Variants in AIMP1 observed in about 807,000 individuals in gnomAD.
AIMP1 encodes aminoacyl tRNA synthetase complex interacting multifunctional protein 1, also known as aminoacyl tRNA synthase complex-interacting multifunctional protein 1.
In AIMP1, 24 loss-of-function variants were observed where a neutral mutation model predicts 33.1. The observed-to-expected ratio is 0.73, with a 90% CI of 0.53 to 1.02. The LOEUF (loss-of-function observed/expected upper bound fraction) is 1.02. Ranked by LOEUF, AIMP1 falls within the 50% of genes least tolerant of loss-of-function variation. The pLI, the probability that AIMP1 is intolerant of heterozygous loss-of-function variation, is 0.00. For missense variants in AIMP1, 367 were observed against 364.8 expected (o/e 1.01, Z -0.05); for synonymous variants, 120 against 121.5 (o/e 0.99, Z 0.08).
intron 6 of AIMP1, among the ~76,000 whole-genome samples, chr4:106,347,089 A>G (rs557751400): frequency 5.9e-4 from 90 of 152,204 alleles, no homozygotes; most frequent in African/African-American, 2.1e-3. Context: ...ATAACTCACT[A>G]TCATGAAACC....
intron 1 of AIMP1, among the ~76,000 whole-genome samples, chr4:106,320,849 T>A (rs140722800): frequency 0.018 from 2,768 of 152,218 alleles, 76 homozygotes; most frequent in African/African-American, 0.061. Flanking sequence ...CCTCCCTGCC[T>A]GATTCTCCTG....
chr4:106,321,998 G>T (rs902785171), intron 1 of AIMP1, among the ~76,000 whole-genome samples: 1 of 139,228 alleles, frequency 7.2e-6, no homozygotes, highest in African/African-American at 2.7e-5. Flanking sequence ...TAAATGGCCC[G>T]TGCTCTCTGA....
chr4:106,336,124 C>T (rs1769868737), intron 5 of AIMP1, among the ~76,000 whole-genome samples: 2 of 145,830 alleles, frequency 1.4e-5, no homozygotes, highest in African/African-American at 2.5e-5. Flanking sequence ...ATTGCAGCCT[C>T]CAGGCTCAAG....
chr4:106,325,436 CTT>C (rs1220165876), intron 2 of AIMP1, among the ~76,000 whole-genome samples: 2 of 151,842 alleles, frequency 1.3e-5, no homozygotes, highest in East Asian at 3.9e-4. Context: ...TCTCCAGAAA[CTT>C]TATCAATTTT....
At chr4:106,329,586 C>T (rs1769588820) in intron 4 of AIMP1, among the ~76,000 whole-genome samples, 1 of 152,070 alleles carries the variant, frequency 6.6e-6, no homozygotes, top group African/African-American at 2.4e-5. Context: ...TATGACTAAA[C>T]TGAATTTCTA....
In AIMP1 at chr4:106,334,587, G is replaced by A. The variant is rs537348609; in HGVS notation, c.604-2282G>A. 5.9e-5 allele frequency among the ~76,000 whole-genome samples: 9 copies of A among 152,208 alleles called. No individual in the cohort carries two copies. The South Asian group carries it at 1.9e-3, about 32-fold the overall frequency. On this transcript the variant is annotated intron_variant, in intron 5 of 6. Transcript: ENST00000672341. ...AGCAACAAACATATTTTTAAAAATA[G>A]CCCTGCCTTTATGAAGCTCACATTT...
chr4:106,327,697 T>G (rs1315437261), intron 3 of AIMP1, 133 bp downstream of exon 3: 1 of 661,918 alleles, frequency 1.5e-6, no homozygotes, highest in East Asian at 2.9e-5. Context: ...GACTCAGATT[T>G]ATCAATAAAA....
Position 106,336,880 on chromosome 4 carries a change from G to C in AIMP1, c.615G>C (p.Arg205=), listed in dbSNP as rs1769904463. 6.2e-7 allele frequency: 1 copy of C among 1,613,934 alleles called. No homozygotes were observed. The highest frequency in any genetic ancestry group is 1.3e-5 in the African/African-American group (1 of 75,008). ...NHVPLEQMQN[R]MVILLCNLKP... ...TATATTTCACACAGATGCAAAATCG[G>C]ATGGTGATTTTACTTTGTAACCTGA... The change falls in exon 6 of 7, where the codon CGG becomes CGC. Residue 205 remains arginine (R), a synonymous_variant. Coordinates refer to ENST00000672341, the MANE Select transcript of AIMP1 (RefSeq NM_001142416.2).
chr4:106,327,613 C>T (rs1241241026), intron 3 of AIMP1, 49 bp downstream of exon 3: 1 of 1,345,186 alleles, frequency 7.4e-7, no homozygotes, highest in South Asian at 1.2e-5. Flanking sequence ...AGAAGTTGGC[C>T]AGTCACACCA....
intron 1 of AIMP1, among the ~76,000 whole-genome samples, chr4:106,319,221 A>G (rs1769102388): frequency 6.6e-6 from 1 of 152,110 alleles, no homozygotes; most frequent in African/African-American, 2.4e-5. Context: ...TTGATTCCCA[A>G]TGTTGTCATC....
intron 4 of AIMP1, among the ~76,000 whole-genome samples, chr4:106,329,559 A>G (rs13132126): frequency 6.6e-6 from 1 of 152,160 alleles, no homozygotes; most frequent in African/African-American, 2.4e-5. Flanking sequence ...GTTATTAAAG[A>G]TTTGAAATGT....
intron 5 of AIMP1, 116 bp from the exon 6 acceptor site, chr4:106,336,753 C>T (rs1769900345): frequency 6.9e-6 from 7 of 1,014,494 alleles, no homozygotes; most frequent in Admixed American, 1.7e-5. Flanking sequence ...GACAAAGGTA[C>T]ATCCACAAAA....
In AIMP1 at chr4:106,348,741, A is replaced by G. The variant is rs1770391408; in HGVS notation, c.*1049A>G. On this transcript the variant is annotated 3_prime_UTR_variant, in exon 7 of 7. Transcript: ENST00000672341. ...CATGTCAGCAAGATAGGGAGTGTGGATAGGGGAGGGCTGGTAGCTAACAAG... is the reference window on the plus strand; with the variant it reads ...CATGTCAGCAAGATAGGGAGTGTGGGTAGGGGAGGGCTGGTAGCTAACAAG... 1 of 152,104 alleles carries G rather than the reference A, an allele frequency of 6.6e-6. No individual in the cohort carries two copies. The highest frequency in any genetic ancestry group is 2.4e-5 in the African/African-American group (1 of 41,418). The allele number at this position is 152,104 out of a possible 1,614,324, so 9.4% of individuals were successfully genotyped here. A position where few individuals can be genotyped will look rare whatever the true frequency, so the allele number is the denominator to read the frequency against.
intron 5 of AIMP1, 88 bp downstream of exon 5, chr4:106,331,971 C>G: frequency 8.2e-7 from 1 of 1,225,060 alleles, no homozygotes; most frequent in Non-Finnish European, 1.2e-6. Flanking sequence ...ATTTTGTATA[C>G]CATACAACAT....
chr4:106,332,782 C>T lies in AIMP1; in HGVS notation c.603+899C>T, dbSNP rs187107547. The stretch of plus-strand genomic sequence containing the variant: ...CTATACTGTTCAGCTTTACTGTTTA[C>T]CATTCAAGGTGGAGTTAGTCATGAA... On this transcript the variant is annotated intron_variant, in intron 5 of 6. Coordinates refer to ENST00000672341, the MANE Select transcript of AIMP1 (RefSeq NM_001142416.2). Among the ~76,000 whole-genome samples, 16 of 151,832 alleles carry T rather than the reference C, an allele frequency of 1.1e-4. No homozygotes were observed. In the East Asian group the frequency reaches 2.3e-3, roughly 22 times the overall value.
intron 5 of AIMP1, among the ~76,000 whole-genome samples, chr4:106,334,384 C>A (rs1336313031): frequency 6.6e-6 from 1 of 151,554 alleles, no homozygotes; most frequent in Middle Eastern, 3.2e-3. Flanking sequence ...CCTGCCTCAG[C>A]CTGCCGAGTA....
intron 6 of AIMP1, among the ~76,000 whole-genome samples, chr4:106,345,445 T>C (rs1770258964): frequency 6.6e-6 from 1 of 152,168 alleles, no homozygotes; most frequent in Non-Finnish European, 1.5e-5. Flanking sequence ...AAGGAATGAT[T>C]TACAAACAAA....
rs1770371421 is a variant in AIMP1, at chr4:106,348,062, T to C, written c.*370T>C. On this transcript the variant is annotated 3_prime_UTR_variant, in exon 7 of 7. Coordinates refer to ENST00000672341, the MANE Select transcript of AIMP1 (RefSeq NM_001142416.2). ...TCAAGCTCTGGGATTTTTTGTATAT[T>C]GTGTATCTGTATCAAAAATATCCTC... 5.8e-6 allele frequency: 1 copy of C among 172,816 alleles called. No individual in the cohort carries two copies. The highest frequency in any genetic ancestry group is 1.2e-5 in the Non-Finnish European group (1 of 81,082). 10.7% of individuals were successfully genotyped at this position (172,816 alleles called of 1,614,324 possible).
Position 106,316,654 on chromosome 4 carries a change from T to A in AIMP1, c.-26+60T>A, listed in dbSNP as rs1768921609. 7.9e-6 allele frequency: 12 copies of A among 1,520,368 alleles called. No individual in the cohort carries two copies. In the South Asian group the frequency reaches 1.5e-4, roughly 18 times the overall value. 94.2% of individuals were successfully genotyped at this position (1,520,368 alleles called of 1,614,324 possible). A position where few individuals can be genotyped will look rare whatever the true frequency, so the allele number is the denominator to read the frequency against. ...ATCGCCGATTGCGATCGTAGGGGTC[T>A]TCCTTCTCTAACTTGCCTCCAGGAG... On this transcript the variant is annotated intron_variant, in intron 1 of 6. Transcript: ENST00000672341.
Sources: gnomAD v4.1 joint callset for allele counts (sites outside exome capture counted in the v4.1 genomes callset) on GRCh38, gnomAD v4.1.1 for gene constraint, MANE v1.5 for transcripts, NCBI Gene and HGNC (gene_info 2026-07-23, HGNC 2026-07-21) for gene names.